Variants in TAF1 observed in about 807,000 individuals in gnomAD.
TAF1 encodes transcription initiation factor TFIID subunit 1.
In TAF1, 2 loss-of-function variants were observed where a neutral mutation model predicts 138.5. The ratio of observed to expected loss-of-function variants is 0.01; its 90% CI spans 0.01 to 0.05. The LOEUF (loss-of-function observed/expected upper bound fraction) is 0.05, where lower values mean the gene tolerates loss of function less well. TAF1 is among the 10% of genes least tolerant of loss of function. The pLI is 1.00. For missense variants in TAF1, 709 were observed against 1,478.0 expected, an observed-to-expected ratio of 0.48 and a Z score of 8.53; for synonymous variants, 437 against 503.2, an observed-to-expected ratio of 0.87 and a Z score of 1.76.
Position 71,423,253 on chromosome X carries a change from G to C in TAF1, c.4575+14G>C. The C allele has an allele frequency of 8.3e-7, 1 of 1,211,130 alleles. No individual in the cohort carries two copies. Among genetic ancestry groups the C allele is most frequent in the Non-Finnish European group, 1.1e-6 (1 of 895,128 alleles). ...GCAGTTCCAGATGTAAGCTGTCTCT[G>C]TGCCAAATACTGTGAGGATCGTGCA... On this transcript the variant is annotated intron_variant, in intron 30 of 37. Transcript: ENST00000423759.
At chrX:71,458,969 C>T (rs972598883) in intron 35 of TAF1, among the ~76,000 whole-genome samples, 6 of 110,929 alleles carry the variant, frequency 5.4e-5, no homozygotes, top group Non-Finnish European at 7.6e-5. Context: ...TTTTTTACTC[C>T]GGCTGTGATT....
At chrX:71,412,927 G>A (rs903803695) in intron 28 of TAF1, among the ~76,000 whole-genome samples, 2 of 111,599 alleles carry the variant, frequency 1.8e-5, no homozygotes, top group African/African-American at 6.5e-5. Context: ...AAGTAAGACA[G>A]TTAAGGGACA....
chrX:71,450,106 T>C (rs1006932798), intron 32 of TAF1, among the ~76,000 whole-genome samples: 2 of 112,341 alleles, frequency 1.8e-5, no homozygotes, highest in Non-Finnish European at 3.8e-5. Flanking sequence ...TCTTTTTTGT[T>C]TGTGTTTGGC....
intron 28 of TAF1, among the ~76,000 whole-genome samples, chrX:71,417,644 G>A (rs1357259420): frequency 1.8e-5 from 2 of 111,466 alleles, no homozygotes; most frequent in Middle Eastern, 4.6e-3. Context: ...GATTACAGGC[G>A]TGAGCAACCA....
intron 28 of TAF1, among the ~76,000 whole-genome samples, chrX:71,410,641 T>C (rs1156482954): frequency 9.2e-6 from 1 of 109,228 alleles, no homozygotes; most frequent in Non-Finnish European, 1.9e-5. Context: ...GTATTTTTAG[T>C]AGAGACAGGG....
At chrX:71,406,836 C>T (rs1752133036) in intron 26 of TAF1, 90 bp downstream of exon 26, 3 of 682,016 alleles carry the variant, frequency 4.4e-6, no homozygotes, top group African/African-American at 2.2e-5. Context: ...CTTAGATTCT[C>T]CAGTTGCCTT....
chrX:71,501,958 C>T (rs745471396), intron 13 of TAF1, among the ~76,000 whole-genome samples: 2 of 111,277 alleles, frequency 1.8e-5, no homozygotes, highest in East Asian at 5.7e-4. Flanking sequence ...TTCTTGGTCT[C>T]GCTGACTTCA....
Position 71,464,340 on chromosome X carries a change from G to A in TAF1, c.*294G>A. The A allele has an allele frequency of 5.4e-6, 2 of 367,695 alleles. No individual in the cohort carries two copies. Among genetic ancestry groups the A allele is most frequent in the Non-Finnish European group, 4.7e-6 (1 of 214,825 alleles). The allele number at this position is 367,695 out of a possible 1,213,427, so 30.3% of individuals were successfully genotyped here. On this transcript the variant is annotated 3_prime_UTR_variant, in exon 38 of 38. Coordinates refer to ENST00000423759, the MANE Select transcript of TAF1 (RefSeq NM_004606.5). ...TTATTTAACTCCATTTATTGCTTTT[G>A]GTATAATTTTTCCCTGGGGAAGGAG...
At chrX:71,397,743 A>C (rs960228683) in intron 23 of TAF1, among the ~76,000 whole-genome samples, 6 of 110,993 alleles carry the variant, frequency 5.4e-5, no homozygotes, top group African/African-American at 2.0e-4. Context: ...TCAGCCTCCC[A>C]AAGTGCTGGG....
intron 26 of TAF1, 53 bp from the exon 27 acceptor site, chrX:71,407,521 A>G: frequency 9.0e-7 from 1 of 1,106,093 alleles, no homozygotes; most frequent in Non-Finnish European, 1.2e-6. Flanking sequence ...CCTGGACAGA[A>G]TGTGGATTTT....
At chrX:71,448,411 G>A (rs1358580449) in intron 32 of TAF1, among the ~76,000 whole-genome samples, 2 of 111,797 alleles carry the variant, frequency 1.8e-5, no homozygotes, top group Non-Finnish European at 3.8e-5. Flanking sequence ...GTGAAAATCC[G>A]ATGAAAAACT....
chrX:71,453,915 A>G (rs2038167899), intron 32 of TAF1, among the ~76,000 whole-genome samples: 1 of 111,965 alleles, frequency 8.9e-6, no homozygotes, highest in African/African-American at 3.2e-5. Flanking sequence ...GAGTCTGAAA[A>G]TTGAAGTAAA....
chrX:71,374,436 T>C (rs1409789920), intron 3 of TAF1, among the ~76,000 whole-genome samples: 3 of 111,857 alleles, frequency 2.7e-5, no homozygotes, highest in African/African-American at 9.7e-5. Flanking sequence ...TGATGTCATC[T>C]CTTTCTGAAG....
rs28382159 is a variant in TAF1 at position 71,378,171 on chromosome X, C to T, written c.934-64C>T. The T allele has an allele frequency of 3.6e-3, 4,033 of 1,107,697 alleles. 91 individuals are homozygous for T. The African/African-American group carries it at 0.063, about 17-fold the overall frequency. 91.3% of individuals were successfully genotyped at this position (1,107,697 alleles called of 1,213,427 possible). ...AGTTCCCCTCCTGACTGTTAACTCT[C>T]TATAGCCTTAGGACATCTGGGATCA... On this transcript the variant is annotated intron_variant, in intron 6 of 37. Coordinates refer to ENST00000423759, the MANE Select transcript of TAF1 (RefSeq NM_004606.5).
chrX:71,411,722 C>T (rs1348148828), intron 28 of TAF1, among the ~76,000 whole-genome samples: 1 of 112,246 alleles, frequency 8.9e-6, no homozygotes, highest in Admixed American at 9.5e-5. Context: ...AATTCACGTA[C>T]CATGCAGTTT....
intron 23 of TAF1, among the ~76,000 whole-genome samples, chrX:71,397,894 C>T (rs1203145534): frequency 3.6e-5 from 4 of 111,747 alleles, no homozygotes; most frequent in Non-Finnish European, 5.6e-5. Context: ...ATTTCTAGAA[C>T]TCTGCTGTAA....
chrX:71,372,812 C>A (rs888102245), intron 3 of TAF1, among the ~76,000 whole-genome samples: 2 of 111,909 alleles, frequency 1.8e-5, no homozygotes, highest in African/African-American at 3.2e-5. Context: ...CATAAAACAG[C>A]TAGAAATGCC....
At chrX:71,371,105 G>A (rs931074733) in intron 3 of TAF1, among the ~76,000 whole-genome samples, 5 of 111,720 alleles carry the variant, frequency 4.5e-5, no homozygotes, top group African/African-American at 1.3e-4. Flanking sequence ...TGTGTTTGTT[G>A]TCTTGACTAG....
intron 3 of TAF1, chrX:71,368,608 G>A (rs115029375): frequency 0.015 from 1,719 of 111,640 alleles, 30 homozygotes; most frequent in African/African-American, 0.055. Flanking sequence ...CTGAGGTCGG[G>A]AGCTTGAGAC....
Sources: gnomAD v4.1 joint callset for allele counts (sites outside exome capture counted in the v4.1 genomes callset) on GRCh38, gnomAD v4.1.1 for gene constraint, MANE v1.5 for transcripts, NCBI Gene and HGNC (gene_info 2026-07-23, HGNC 2026-07-21) for gene names.